The following WDPCP variants were observed in gnomAD, a reference collection of about 807,000 sequenced individuals.
WDPCP encodes the protein WD repeat containing planar cell polarity effector, also known as WD repeat-containing and planar cell polarity effector protein fritz homolog.
In WDPCP, 71 loss-of-function variants were observed where a neutral mutation model predicts 93.1. The observed-to-expected ratio is 0.76, with a 90% CI of 0.63 to 0.93. The LOEUF is 0.93. WDPCP is among the 40% of genes least tolerant of loss of function. The pLI, the probability that WDPCP is intolerant of heterozygous loss-of-function variation, is 0.00. For synonymous variants in WDPCP, 315 were observed against 315.0 expected (o/e 1.00, Z 0.00); for missense variants, 844 against 887.4 (o/e 0.95, Z 0.62).
intron 1 of WDPCP, among the ~76,000 whole-genome samples, chr2:63,572,246 A>G (rs1707564388): frequency 6.6e-6 from 1 of 152,086 alleles, no homozygotes; most frequent in Non-Finnish European, 1.5e-5. Flanking sequence ...TCTAACACCA[A>G]TTGTTTCCTT....
At chr2:63,769,030 G>C (rs1454866256) in intron 2 of WDPCP, among the ~76,000 whole-genome samples, 1 of 151,932 alleles carries the variant, frequency 6.6e-6, no homozygotes, top group Non-Finnish European at 1.5e-5. Context: ...AGAGTTCTTG[G>C]AAGAACTACT....
chr2:63,476,774 C>A lies in WDPCP; in HGVS notation c.384+7830G>T, dbSNP rs539140185. On this transcript the variant is annotated intron_variant, in intron 6 of 17. Coordinates refer to ENST00000272321, the MANE Select transcript of WDPCP (RefSeq NM_015910.7). ...GTCTATTATTATTTTATGAGAAAAG[C>A]AAATTGAGTTTCGCACAACTTGACA... Among the ~76,000 whole-genome samples, 3 of 152,146 alleles carry A rather than the reference C, an allele frequency of 2.0e-5. 1 individual carries two copies. The South Asian group carries it at 6.2e-4, about 32-fold the overall frequency.
At chr2:63,578,063 T>C (rs1271609934) in intron 1 of WDPCP, among the ~76,000 whole-genome samples, 2 of 152,188 alleles carry the variant, frequency 1.3e-5, no homozygotes, top group Non-Finnish European at 2.9e-5. Context: ...AAGGAAATAC[T>C]AAATGATGCG....
At chr2:63,622,089 G>GTTTTTTT in intron 3 of WDPCP, 1 of 549,144 alleles carries the variant, frequency 1.8e-6, no homozygotes, top group Non-Finnish European at 2.4e-6. Flanking sequence ...TTTTTTGGAA[G>GTTTTTTT]TTGATTTTTA....
In WDPCP at chr2:63,648,000, A is replaced by G. The variant is rs183716230; in HGVS notation, n.488+2659T>C. Reference sequence around the variant, plus strand: ...ATGTAACCCAACTTCTTACTGATGCATGAATTCCTTCCAAAAACCTCCCTT... The same window carrying G: ...ATGTAACCCAACTTCTTACTGATGCGTGAATTCCTTCCAAAAACCTCCCTT... On this transcript the variant is annotated intron_variant and non_coding_transcript_variant, in intron 3 of 4. Transcript: ENST00000467687. Among the ~76,000 whole-genome samples the G allele has an allele frequency of 1.1e-3, 164 of 152,326 alleles. 1 individual carries two copies. The highest frequency in any genetic ancestry group is 2.0e-3 in the Non-Finnish European group (138 of 68,030).
intron 3 of WDPCP, chr2:63,599,050 G>T: frequency 2.4e-6 from 2 of 817,096 alleles, no homozygotes; most frequent in African/African-American, 1.8e-5. Context: ...ATTGTATTTG[G>T]TGTTTCCCAA....
chr2:63,797,020 G>C (rs536281192), intron 2 of WDPCP, among the ~76,000 whole-genome samples: 1 of 152,292 alleles, frequency 6.6e-6, no homozygotes, highest in Admixed American at 6.5e-5. Context: ...GCCACAGAAG[G>C]AAAGGGCACT....
chr2:63,422,458 C>A (rs920323568), intron 9 of WDPCP, among the ~76,000 whole-genome samples: 4 of 152,122 alleles, frequency 2.6e-5, no homozygotes, highest in South Asian at 2.1e-4. Flanking sequence ...TTCATTATCT[C>A]AAAAACTGGT....
At chr2:63,657,321 C>G (rs951537113) in intron 2 of WDPCP, among the ~76,000 whole-genome samples, 2 of 151,622 alleles carry the variant, frequency 1.3e-5, no homozygotes, top group African/African-American at 4.8e-5. Context: ...TCTCCTGCCT[C>G]AGCCTCCTGA....
intron 6 of WDPCP, among the ~76,000 whole-genome samples, chr2:63,448,525 A>G (rs1322643606): frequency 6.6e-6 from 1 of 152,018 alleles, no homozygotes; most frequent in Non-Finnish European, 1.5e-5. Context: ...TATTATGGTG[A>G]GTTTAAGCAC....
chr2:63,509,370 G>C (rs1448851011), intron 1 of WDPCP, among the ~76,000 whole-genome samples: 1 of 152,144 alleles, frequency 6.6e-6, no homozygotes, highest in Non-Finnish European at 1.5e-5. Context: ...AAATAAATAA[G>C]TTCTTTGAAA....
intron 3 of WDPCP, among the ~76,000 whole-genome samples, chr2:63,630,135 A>G (rs1295410463): frequency 6.6e-6 from 1 of 152,236 alleles, no homozygotes; most frequent in East Asian, 1.9e-4. Flanking sequence ...TTATAACAAA[A>G]AGATACACTC....
At chr2:63,643,029 C>T (rs1197439760) in intron 3 of WDPCP, 1 of 153,978 alleles carries the variant, frequency 6.5e-6, no homozygotes, top group Non-Finnish European at 1.4e-5. Context: ...TTTCTTTTAT[C>T]ATGAAGGGAT....
chr2:63,200,107 A>G (rs187530779), intron 14 of WDPCP, among the ~76,000 whole-genome samples: 54 of 152,278 alleles, frequency 3.5e-4, no homozygotes, highest in Non-Finnish European at 6.3e-4. Flanking sequence ...CCCTTTTGGA[A>G]TGGGTGTATT....
intron 2 of WDPCP, among the ~76,000 whole-genome samples, chr2:63,711,126 C>A (rs969706302): frequency 6.6e-6 from 1 of 152,150 alleles, no homozygotes; most frequent in African/African-American, 2.4e-5. Flanking sequence ...AGGATGTTTT[C>A]TTTGGACCAA....
intron 14 of WDPCP, among the ~76,000 whole-genome samples, chr2:63,191,652 C>G (rs894724709): frequency 3.3e-5 from 5 of 152,178 alleles, no homozygotes; most frequent in African/African-American, 1.2e-4. Context: ...TCTATTATTT[C>G]TATGACATCA....
chr2:63,705,332 T>G (rs1320988181), intron 2 of WDPCP, among the ~76,000 whole-genome samples: 2 of 152,242 alleles, frequency 1.3e-5, no homozygotes, highest in Admixed American at 6.5e-5. Flanking sequence ...ATTTCTTGCC[T>G]TCTGCTAGCT....
chr2:63,359,205 T>C (rs988349902), intron 12 of WDPCP, among the ~76,000 whole-genome samples: 1 of 152,074 alleles, frequency 6.6e-6, no homozygotes, highest in South Asian at 2.1e-4. Flanking sequence ...ACATTCTAGT[T>C]CCGACATCTA....
At chr2:63,210,328 T>C (rs1676673393) in intron 14 of WDPCP, among the ~76,000 whole-genome samples, 1 of 152,156 alleles carries the variant, frequency 6.6e-6, no homozygotes. Flanking sequence ...ATTCAAAAAA[T>C]TAAATGTAAT....
Sources: gnomAD v4.1 joint callset for allele counts (sites outside exome capture counted in the v4.1 genomes callset) on GRCh38, gnomAD v4.1.1 for gene constraint, MANE v1.5 for transcripts, NCBI Gene and HGNC (gene_info 2026-07-23, HGNC 2026-07-21) for gene names.